The following C1QTNF7 variants were observed in gnomAD, a reference collection of about 807,000 sequenced individuals.
C1QTNF7 encodes the protein C1q and TNF related 7, also known as complement C1q tumor necrosis factor-related protein 7.
In C1QTNF7, 15 loss-of-function variants were observed where a neutral mutation model predicts 19.6. That is an observed-to-expected ratio of 0.76 (90% confidence interval 0.51 to 1.18). The LOEUF (loss-of-function observed/expected upper bound fraction) is 1.18. Ranked by LOEUF, C1QTNF7 falls within the 50% of genes most tolerant of loss-of-function variation. The pLI, the probability that C1QTNF7 is intolerant of heterozygous loss-of-function variation, is 0.00. For synonymous variants in C1QTNF7, 142 were observed against 137.5 expected (o/e 1.03, Z -0.23); for missense variants, 324 against 359.7 (o/e 0.90, Z 0.80).
At chr4:15,382,963 C>T (rs573836289) in intron 1 of C1QTNF7, among the ~76,000 whole-genome samples, 6 of 152,276 alleles carry the variant, frequency 3.9e-5, no homozygotes, top group African/African-American at 1.4e-4. Flanking sequence ...CGGAGGTGAT[C>T]AAAACAGACA....
chr4:15,374,402 T>C (rs966660102), intron 1 of C1QTNF7: 3 of 241,264 alleles, frequency 1.2e-5, no homozygotes, highest in African/African-American at 7.0e-5. Context: ...TTAGAAAAAA[T>C]ATTGTCCAGA....
intron 1 of C1QTNF7, among the ~76,000 whole-genome samples, chr4:15,349,801 C>T (rs1345304038): frequency 6.6e-6 from 1 of 152,164 alleles, no homozygotes; most frequent in Non-Finnish European, 1.5e-5. Context: ...AAATCCACTG[C>T]TGTATTGTGC....
intron 1 of C1QTNF7, among the ~76,000 whole-genome samples, chr4:15,346,725 G>A (rs1051057384): frequency 6.6e-6 from 1 of 152,160 alleles, no homozygotes; most frequent in African/African-American, 2.4e-5. Context: ...CATCACAGGT[G>A]TATCTATCAA....
At position 15,442,565 on chromosome 4, in the gene C1QTNF7, C is replaced by T. The variant is rs778243701; in HGVS notation, c.636C>T (p.His212=). The T allele has an allele frequency of 8.7e-6, 14 of 1,614,194 alleles. No individual in the cohort carries two copies. The highest frequency in any genetic ancestry group is 1.6e-4 in the Middle Eastern group (1 of 6,062). ...ANKHLAIGLV[H]NGQYRIKTFD... ...AGCATCTGGCAATCGGACTGGTACA[C>T]AATGGGCAATACCGGATAAAGACCT... Residue 212 remains histidine (H), a synonymous_variant, in exon 3 of 3, where the codon CAC becomes CAT. Coordinates refer to ENST00000444304, the MANE Select transcript of C1QTNF7 (RefSeq NM_031911.5).
upstream of C1QTNF7, among the ~76,000 whole-genome samples, chr4:15,423,316 C>T (rs985995090): frequency 3.0e-4 from 11 of 37,094 alleles, no homozygotes; most frequent in Non-Finnish European, 1.9e-4. Context: ...ATCCTGTCTT[C>T]GCTTTCAAGC....
intron 1 of C1QTNF7, among the ~76,000 whole-genome samples, chr4:15,342,929 C>T (rs1299710445): frequency 6.6e-6 from 1 of 152,160 alleles, no homozygotes; most frequent in East Asian, 1.9e-4. Context: ...TGAACTTCGG[C>T]CCATTCAAAC....
chr4:15,361,225 C>A (rs917622251), intron 1 of C1QTNF7: 5 of 152,062 alleles, frequency 3.3e-5, no homozygotes, highest in African/African-American at 1.2e-4. Flanking sequence ...TCATGAACCA[C>A]CTAAAACTTC....
chr4:15,376,993 G>T (rs996544088), intron 1 of C1QTNF7, among the ~76,000 whole-genome samples: 13 of 152,190 alleles, frequency 8.5e-5, no homozygotes, highest in African/African-American at 3.1e-4. Context: ...GCCCTTTGGG[G>T]AAGAGTGAAA....
At chr4:15,408,703 A>G (rs1403946730) in intron 1 of C1QTNF7, among the ~76,000 whole-genome samples, 1 of 152,138 alleles carries the variant, frequency 6.6e-6, no homozygotes, top group Non-Finnish European at 1.5e-5. Context: ...CACTTTGGAT[A>G]TACCTGAACT....
chr4:15,405,671 T>C (rs771831870), intron 1 of C1QTNF7, among the ~76,000 whole-genome samples: 10 of 152,186 alleles, frequency 6.6e-5, no homozygotes, highest in Non-Finnish European at 7.3e-5. Flanking sequence ...CTGGATAATA[T>C]AGTTGAAGAT....
intron 1 of C1QTNF7, among the ~76,000 whole-genome samples, chr4:15,350,516 T>A (rs2109287679): frequency 6.6e-6 from 1 of 152,300 alleles, no homozygotes; most frequent in East Asian, 1.9e-4. Flanking sequence ...TGAATTCCTC[T>A]CTCCATCTCT....
At chr4:15,379,097 T>G (rs1718048223) in intron 1 of C1QTNF7, among the ~76,000 whole-genome samples, 1 of 152,250 alleles carries the variant, frequency 6.6e-6, no homozygotes, top group African/African-American at 2.4e-5. Context: ...AATTTTCAAG[T>G]ACTGTTATTT....
upstream of C1QTNF7, among the ~76,000 whole-genome samples, chr4:15,424,518 G>C (rs1040471008): frequency 2.6e-5 from 4 of 152,164 alleles, no homozygotes; most frequent in Non-Finnish European, 5.9e-5. Flanking sequence ...TCTGTACTCA[G>C]TGATACACCC....
chr4:15,416,580 G>A (rs1485976182), intron 1 of C1QTNF7, among the ~76,000 whole-genome samples: 2 of 152,120 alleles, frequency 1.3e-5, no homozygotes, highest in Non-Finnish European at 2.9e-5. Context: ...CCTGTAACCT[G>A]GGCAACCACT....
chr4:15,355,837 T>C lies in C1QTNF7; in HGVS notation c.13+15630T>C, dbSNP rs571472194. Among the ~76,000 whole-genome samples the C allele has an allele frequency of 3.9e-5, 6 of 152,224 alleles. No homozygotes were observed. In the South Asian group the frequency reaches 1.2e-3, roughly 32 times the overall value. On this transcript the variant is annotated intron_variant, in intron 1 of 2. Coordinates refer to the C1QTNF7 transcript ENST00000295297. ...CCCAGTTCCAAGCCCTCTGTAATGC[T>C]CAATAAATAGCAACAGTATTTTGTT...
At chr4:15,438,450 G>A (rs755945901) in intron 2 of C1QTNF7, among the ~76,000 whole-genome samples, 2 of 152,062 alleles carry the variant, frequency 1.3e-5, no homozygotes, top group Non-Finnish European at 1.5e-5. Context: ...TCTCATTCAC[G>A]TACTCTTGGT....
intron 2 of C1QTNF7, among the ~76,000 whole-genome samples, chr4:15,440,395 T>C (rs1250305467): frequency 2.1e-5 from 3 of 144,648 alleles, no homozygotes; most frequent in African/African-American, 7.7e-5. Context: ...CTAGCATTGG[T>C]ACAGAAGCAA....
chr4:15,360,832 C>T (rs557382345), intron 1 of C1QTNF7, among the ~76,000 whole-genome samples: 56 of 152,178 alleles, frequency 3.7e-4, no homozygotes, highest in African/African-American at 1.3e-3. Flanking sequence ...CTTCAAACAA[C>T]GAGGACTTTT....
chr4:15,421,183 GA>G (rs955560569), intron 1 of C1QTNF7, among the ~76,000 whole-genome samples: 5 of 148,738 alleles, frequency 3.4e-5, no homozygotes, highest in East Asian at 3.9e-4. Context: ...CGAGATGACT[GA>G]AAAAAAAAGA....
Sources: allele counts gnomAD v4.1 joint callset (sites outside exome capture counted in the v4.1 genomes callset), GRCh38; gene constraint gnomAD v4.1.1; transcripts MANE v1.5; gene names NCBI Gene and HGNC (gene_info 2026-07-23, HGNC 2026-07-21).